The following ABTB2 variants were observed in gnomAD, a reference collection of about 807,000 sequenced individuals.
ABTB2 encodes the protein ankyrin repeat and BTB domain containing 2, also known as ankyrin repeat and BTB/POZ domain-containing protein 2.
A neutral mutation model predicts 104.1 loss-of-function variants in ABTB2; 56 were observed. That is an observed-to-expected ratio of 0.54 (90% CI 0.43 to 0.67). ABTB2 has a LOEUF of 0.67. ABTB2 is among the 30% of genes least tolerant of loss of function. The pLI is 0.00. For missense variants in ABTB2, 1,279 were observed against 1,407.7 expected, an observed-to-expected ratio of 0.91 and a Z score of 1.46; for synonymous variants, 606 against 608.2, an observed-to-expected ratio of 1.00 and a Z score of 0.05.
intron 1 of ABTB2, among the ~76,000 whole-genome samples, chr11:34,291,261 T>C (rs956996436): frequency 1.1e-4 from 16 of 152,212 alleles, no homozygotes; most frequent in African/African-American, 3.9e-4. Context: ...GATGTCTTCA[T>C]CCCAAGTGGA....
intron 1 of ABTB2, among the ~76,000 whole-genome samples, chr11:34,291,935 C>T (rs1213126164): frequency 6.6e-6 from 1 of 151,376 alleles, no homozygotes; most frequent in Non-Finnish European, 1.5e-5. Context: ...GAGTGACTTA[C>T]ACCAATAATA....
chr11:34,290,059 C>T (rs1854550044), intron 1 of ABTB2, among the ~76,000 whole-genome samples: 1 of 152,204 alleles, frequency 6.6e-6, no homozygotes, highest in African/African-American at 2.4e-5. Context: ...GACCTAGTCC[C>T]TGAAGACATT....
At position 34,295,024 on chromosome 11, in the gene ABTB2, C is replaced by G. The variant is rs72470856; in HGVS notation, c.883+61677G>C. Among the ~76,000 whole-genome samples the G allele has an allele frequency of 4.1e-4, 63 of 152,130 alleles. No homozygotes were observed. In the East Asian group the frequency reaches 0.012, roughly 29 times the overall value. ...CCACCACGCCGGGCCTCTACAAAAACAATTTAAACATTAGCCAGGCATGGA... is the reference window on the plus strand; with the variant it reads ...CCACCACGCCGGGCCTCTACAAAAAGAATTTAAACATTAGCCAGGCATGGA... On this transcript the variant is annotated intron_variant, in intron 1 of 16. Transcript: ENST00000435224.
At position 34,357,550 on chromosome 11, in the gene ABTB2, G is replaced by T. The variant is rs1215554843; in HGVS notation, c.34C>A (p.Leu12Met). 1 of 1,533,232 alleles carries T rather than the reference G, an allele frequency of 6.5e-7. No homozygotes were observed. The highest frequency in any genetic ancestry group is 2.0e-5 in the Admixed American group (1 of 50,852). 95.0% of individuals were successfully genotyped at this position (1,533,232 alleles called of 1,614,324 possible). A position where few individuals can be genotyped will look rare whatever the true frequency, so the allele number is the denominator to read the frequency against. ...CCGGAGTCCAAGGTCAAGTCCTCCA[G>T]CGTCTTCAGAGTCGAGCTGTACGTC... ...AGTYSSTLKTLEDLTLDSGYG... is the reference protein window; with the variant it reads ...AGTYSSTLKTMEDLTLDSGYG... Residue 12 changes from leucine to methionine, a missense_variant, in exon 1 of 17, where the codon CTG (leucine) becomes ATG (methionine). By Grantham distance (15) the Leu-to-Met change is conservative. Coordinates refer to ENST00000435224, the MANE Select transcript of ABTB2 (RefSeq NM_145804.3).
intron 1 of ABTB2, among the ~76,000 whole-genome samples, chr11:34,279,432 AT>A (rs1197447018): frequency 6.6e-6 from 1 of 152,140 alleles, no homozygotes; most frequent in African/African-American, 2.4e-5. Flanking sequence ...TTATAATCCT[AT>A]AAAGAGCCTA....
chr11:34,280,540 T>G (rs937798201), intron 1 of ABTB2, among the ~76,000 whole-genome samples: 1 of 152,110 alleles, frequency 6.6e-6, no homozygotes, highest in Non-Finnish European at 1.5e-5. Context: ...CCTAAGCCTT[T>G]TGACCTCAGG....
chr11:34,174,575 G>C (rs1287334639), intron 3 of ABTB2, among the ~76,000 whole-genome samples: 1 of 152,210 alleles, frequency 6.6e-6, no homozygotes, highest in African/African-American at 2.4e-5. Flanking sequence ...CCCTGCCCTC[G>C]GCGAGCGGCT....
intron 3 of ABTB2, among the ~76,000 whole-genome samples, chr11:34,190,740 A>T (rs1853164571): frequency 6.6e-6 from 1 of 152,178 alleles, no homozygotes; most frequent in Admixed American, 6.5e-5. Context: ...AGTATTAATA[A>T]CTGTAGTAGT....
At chr11:34,197,591 GTC>G in intron 2 of ABTB2, 53 bp from the exon 3 acceptor site, 1 of 1,275,486 alleles carries the variant, frequency 7.8e-7, no homozygotes, top group South Asian at 1.4e-5. Context: ...AGAAGACAAA[GTC>G]TGAGTTCACA....
At chr11:34,345,425 C>T (rs138842883) in intron 1 of ABTB2, among the ~76,000 whole-genome samples, 18 of 152,334 alleles carry the variant, frequency 1.2e-4, no homozygotes, top group African/African-American at 4.3e-4. Flanking sequence ...TCACCAGCTC[C>T]TGGAACAGTG....
intron 1 of ABTB2, among the ~76,000 whole-genome samples, chr11:34,216,700 T>C (rs1198237596): frequency 3.9e-5 from 6 of 152,112 alleles, no homozygotes. Flanking sequence ...TGTAGTGAGC[T>C]GAGATTGTGC....
At chr11:34,267,968 T>C (rs1220688366) in intron 1 of ABTB2, among the ~76,000 whole-genome samples, 1 of 152,248 alleles carries the variant, frequency 6.6e-6, no homozygotes, top group African/African-American at 2.4e-5. Flanking sequence ...TCTGGCTCTG[T>C]TGCCCAGGCT....
intron 2 of ABTB2, among the ~76,000 whole-genome samples, chr11:34,201,459 T>C (rs1304740991): frequency 2.0e-5 from 3 of 152,158 alleles, no homozygotes; most frequent in Non-Finnish European, 2.9e-5. Context: ...TTCTCTCCCT[T>C]TAAAATTTTT....
At chr11:34,234,465 A>G (rs1853814171) in intron 1 of ABTB2, among the ~76,000 whole-genome samples, 1 of 152,124 alleles carries the variant, frequency 6.6e-6, no homozygotes, top group Non-Finnish European at 1.5e-5. Context: ...TAACAAGACT[A>G]ACTACTCACA....
At chr11:34,337,929 C>T (rs1355398785) in intron 1 of ABTB2, among the ~76,000 whole-genome samples, 1 of 152,158 alleles carries the variant, frequency 6.6e-6, no homozygotes, top group Non-Finnish European at 1.5e-5. Context: ...AGAGAAGACC[C>T]TCAAAGACTG....
At chr11:34,322,380 A>C (rs928587123) in intron 1 of ABTB2, among the ~76,000 whole-genome samples, 1 of 152,150 alleles carries the variant, frequency 6.6e-6, no homozygotes, top group Non-Finnish European at 1.5e-5. Context: ...GTTCGAGACC[A>C]GTCTGGCCAA....
At chr11:34,315,247 A>G (rs1854911993) in intron 1 of ABTB2, among the ~76,000 whole-genome samples, 5 of 152,224 alleles carry the variant, frequency 3.3e-5, no homozygotes, top group Admixed American at 3.3e-4. Flanking sequence ...ACCACAGAGC[A>G]AGTCTCCTGA....
At chr11:34,174,557 G>A (rs1018200068) in intron 3 of ABTB2, among the ~76,000 whole-genome samples, 3 of 152,190 alleles carry the variant, frequency 2.0e-5, no homozygotes, top group Non-Finnish European at 4.4e-5. Flanking sequence ...GGCTCAGGCC[G>A]CGCCCGCCCC....
At chr11:34,194,791 T>C (rs200271171) in intron 3 of ABTB2, among the ~76,000 whole-genome samples, 23,642 of 144,372 alleles carry the variant, frequency 0.16, 1,969 homozygotes, top group African/African-American at 0.22. Context: ...TTTTTTTTTT[T>C]CCTAATGGGG....
Sources: allele counts gnomAD v4.1 joint callset (sites outside exome capture counted in the v4.1 genomes callset), GRCh38; gene constraint gnomAD v4.1.1; transcripts MANE v1.5; gene names NCBI Gene and HGNC (gene_info 2026-07-23, HGNC 2026-07-21).